The following ZFHX4 variants were observed in gnomAD, a reference collection of about 807,000 sequenced individuals.
The protein encoded by ZFHX4 is zinc finger homeobox protein 4.
ZFHX4 carries 56 observed loss-of-function variants against 267.6 expected under a neutral mutation model. The observed-to-expected ratio is 0.21, with a 90% CI of 0.17 to 0.26. The LOEUF (loss-of-function observed/expected upper bound fraction) is 0.26, where lower values mean the gene tolerates loss of function less well. ZFHX4 is among the 10% of genes least tolerant of loss of function. ZFHX4 has a pLI of 1.00. For missense variants in ZFHX4, 4,332 were observed against 4,420.0 expected, an observed-to-expected ratio of 0.98 and a Z score of 0.56; for synonymous variants, 1,778 against 1,665.6, an observed-to-expected ratio of 1.07 and a Z score of -1.64.
At chr8:76,773,079 C>A (rs1810310177) in intron 3 of ZFHX4, among the ~76,000 whole-genome samples, 1 of 152,144 alleles carries the variant, frequency 6.6e-6, no homozygotes, top group Non-Finnish European at 1.5e-5. Context: ...TCATCTGGAT[C>A]TTCAATGTCT....
chr8:76,801,660 T>C (rs1358098418), intron 4 of ZFHX4, among the ~76,000 whole-genome samples: 2 of 152,196 alleles, frequency 1.3e-5, no homozygotes, highest in Non-Finnish European at 2.9e-5. Flanking sequence ...AATAACCACG[T>C]ACTTTCATTT....
intron 10 of ZFHX4, among the ~76,000 whole-genome samples, chr8:76,857,354 T>TTATATATATATATATATATATATA (rs10576780): frequency 7.0e-6 from 1 of 143,430 alleles, no homozygotes; most frequent in Non-Finnish European, 1.5e-5. Flanking sequence ...TTCACTAATT[T>TTATATATATATATATATATATATA]TATATATATA....
At chr8:76,815,754 G>A (rs115414682) in intron 4 of ZFHX4, among the ~76,000 whole-genome samples, 215 of 152,214 alleles carry the variant, frequency 1.4e-3, no homozygotes, top group African/African-American at 4.9e-3. Flanking sequence ...TCCCGCCTTG[G>A]TCTCCCAAAG....
chr8:76,681,647 A>G (rs1807532649), intron 1 of ZFHX4, 27 bp downstream of exon 1: 1 of 393,104 alleles, frequency 2.5e-6, no homozygotes, highest in South Asian at 1.4e-4. Context: ...ACTTTTATTG[A>G]GTAGTTTCTG....
chr8:76,731,197 T>G (rs1809000643), intron 3 of ZFHX4, among the ~76,000 whole-genome samples: 1 of 152,130 alleles, frequency 6.6e-6, no homozygotes, highest in Non-Finnish European at 1.5e-5. Context: ...GAAGAGTGTG[T>G]CCATACCTTT....
chr8:76,831,655 C>T (rs1811935834), intron 4 of ZFHX4, among the ~76,000 whole-genome samples: 1 of 152,132 alleles, frequency 6.6e-6, no homozygotes, highest in African/African-American at 2.4e-5. Context: ...ATCGGGGAAA[C>T]ATTACTTGGA....
chr8:76,739,561 G>A (rs983431532), intron 3 of ZFHX4, among the ~76,000 whole-genome samples: 23 of 152,076 alleles, frequency 1.5e-4, no homozygotes. Context: ...CCATTAGAGT[G>A]ATCAGGAAAG....
chr8:76,829,166 A>G (rs1377172976), intron 4 of ZFHX4, among the ~76,000 whole-genome samples: 1 of 151,774 alleles, frequency 6.6e-6, no homozygotes, highest in Non-Finnish European at 1.5e-5. Context: ...TGAATCTTAT[A>G]ATTCTCTGCA....
chr8:76,759,829 T>G (rs1189313574), intron 3 of ZFHX4, among the ~76,000 whole-genome samples: 3 of 152,182 alleles, frequency 2.0e-5, no homozygotes, highest in African/African-American at 7.2e-5. Context: ...CTTGGTGGAA[T>G]GAAGTGGGAT....
intron 3 of ZFHX4, 78 bp downstream of exon 3, chr8:76,708,126 C>T (rs1585868654): frequency 4.5e-6 from 7 of 1,571,544 alleles, no homozygotes; most frequent in African/African-American, 1.4e-5. Flanking sequence ...GCACAAGTCT[C>T]CAACTTAAGG....
intron 3 of ZFHX4, among the ~76,000 whole-genome samples, chr8:76,718,054 A>C (rs942131435): frequency 5.9e-5 from 9 of 152,246 alleles, no homozygotes; most frequent in African/African-American, 1.9e-4. Context: ...AGCAAGTCTA[A>C]TTGCCGACAC....
At chr8:76,772,946 T>C (rs1810305782) in intron 3 of ZFHX4, among the ~76,000 whole-genome samples, 1 of 152,138 alleles carries the variant, frequency 6.6e-6, no homozygotes, top group Admixed American at 6.6e-5. Flanking sequence ...AGAGGTGCCT[T>C]TTCTCTATCC....
chr8:76,730,025 G>A (rs751202108), intron 3 of ZFHX4, among the ~76,000 whole-genome samples: 16 of 152,188 alleles, frequency 1.1e-4, no homozygotes, highest in Non-Finnish European at 2.2e-4. Context: ...CAACGAAGGA[G>A]AACTTGGTGT....
intron 3 of ZFHX4, among the ~76,000 whole-genome samples, chr8:76,761,501 T>C (rs1481378635): frequency 6.6e-5 from 10 of 152,204 alleles, no homozygotes; most frequent in Admixed American, 6.5e-4. Flanking sequence ...TTCTTTTCTT[T>C]TACTTCTCCT....
intron 3 of ZFHX4, among the ~76,000 whole-genome samples, chr8:76,772,218 G>T: frequency 6.6e-6 from 1 of 152,162 alleles, no homozygotes; most frequent in Admixed American, 6.6e-5. Context: ...GGGAAAGCGT[G>T]GAGGATGAGT....
At chr8:76,816,494 G>C (rs529513264) in intron 4 of ZFHX4, among the ~76,000 whole-genome samples, 1 of 152,014 alleles carries the variant, frequency 6.6e-6, no homozygotes, top group Non-Finnish European at 1.5e-5. Context: ...GGCACAAGAA[G>C]GTTGTTTTCA....
chr8:76,707,100 C>T (rs1283368886), intron 2 of ZFHX4, among the ~76,000 whole-genome samples: 1 of 151,984 alleles, frequency 6.6e-6, no homozygotes, highest in African/African-American at 2.4e-5. Context: ...GGCTGTGATC[C>T]AAGATAATTA....
rs547875532 is a variant in ZFHX4 at position 76,693,099 on chromosome 8, C to T, written c.-46-10944C>T. 5.9e-4 allele frequency among the ~76,000 whole-genome samples: 90 copies of T among 152,300 alleles called. 1 individual carries two copies. The highest frequency in any genetic ancestry group is 2.1e-3 in the African/African-American group (88 of 41,558). ...AAAACTGCAGCCTCCATGAGGGTAG[C>T]ACCCACTTCTGTTTAAACACTATAT... On this transcript the variant is annotated intron_variant, in intron 1 of 10. Coordinates refer to ENST00000651372, the MANE Select transcript of ZFHX4 (RefSeq NM_024721.5).
chr8:76,752,313 T>A (rs770111544), intron 3 of ZFHX4, among the ~76,000 whole-genome samples: 3 of 150,842 alleles, frequency 2.0e-5, no homozygotes, highest in African/African-American at 4.9e-5. Flanking sequence ...TTAAAAAAAA[T>A]TAACAGTGAC....
Sources: gnomAD v4.1 joint callset for allele counts (sites outside exome capture counted in the v4.1 genomes callset) on GRCh38, gnomAD v4.1.1 for gene constraint, MANE v1.5 for transcripts, NCBI Gene and HGNC (gene_info 2026-07-23, HGNC 2026-07-21) for gene names.